Variants in EFHB observed in about 807,000 individuals in gnomAD.
The protein encoded by EFHB is EF-hand domain family member B, also known as EF-hand domain-containing family member B.
Under a neutral mutation model 87.2 loss-of-function variants are expected in EFHB, and 91 were observed. The observed-to-expected ratio is 1.04, with a 90% CI of 0.88 to 1.24. The LOEUF (loss-of-function observed/expected upper bound fraction) is 1.24. EFHB is among the 50% of genes most tolerant of loss of function. The pLI, the probability that EFHB is intolerant of heterozygous loss-of-function variation, is 0.00. For missense variants in EFHB, 1,084 were observed against 998.8 expected, an observed-to-expected ratio of 1.09 and a Z score of -1.15; for synonymous variants, 325 against 333.6, an observed-to-expected ratio of 0.97 and a Z score of 0.28.
intron 6 of EFHB, among the ~76,000 whole-genome samples, chr3:19,904,696 T>C (rs540255253): frequency 6.6e-6 from 1 of 152,340 alleles, no homozygotes; most frequent in East Asian, 1.9e-4. Context: ...GCTCAGATAA[T>C]CCAGAATGAT....
Position 19,884,454 on chromosome 3 carries a change from T to C in EFHB, c.2095A>G (p.Lys699Glu). ...GCATTGATCTCAGAAGAAGTTGTCT[T>C]ATAGTAGTTGGAAACTTTATCACTT... is the stretch of plus-strand genomic sequence containing the variant. The part of the protein sequence containing the change: ...RPSDKVSNYY[K>E]TTSSEINAIV... Residue 699 changes from lysine (K) to glutamate (E), a missense_variant, in exon 11 of 13, where the codon AAG becomes GAG. Lys to Glu is a moderately conservative substitution (Grantham distance 56, BLOSUM62 1). Transcript: ENST00000295824. 13 of 1,613,942 alleles carry C rather than the reference T, an allele frequency of 8.1e-6. No homozygotes were observed. The highest frequency in any genetic ancestry group is 1.0e-5 in the Non-Finnish European group (12 of 1,179,888).
chr3:19,925,376 T>C (rs1441302827), intron 1 of EFHB, among the ~76,000 whole-genome samples: 2 of 152,138 alleles, frequency 1.3e-5, no homozygotes, highest in Non-Finnish European at 2.9e-5. Context: ...CATAGATATA[T>C]AGATATATCA....
chr3:19,885,346 G>C (rs76875853), intron 10 of EFHB, among the ~76,000 whole-genome samples: 20,323 of 152,134 alleles, frequency 0.13, 1,526 homozygotes, highest in South Asian at 0.22. Flanking sequence ...CTACTTGACT[G>C]GGGGGAGCAT....
At chr3:19,931,223 A>G (rs1695819954) in intron 1 of EFHB, among the ~76,000 whole-genome samples, 1 of 152,222 alleles carries the variant, frequency 6.6e-6, no homozygotes, top group Non-Finnish European at 1.5e-5. Context: ...CTGGGATTAC[A>G]GCTAGTGCCA....
At chr3:19,883,953 T>C (rs1367760563) in intron 11 of EFHB, among the ~76,000 whole-genome samples, 1 of 152,202 alleles carries the variant, frequency 6.6e-6, no homozygotes, top group Non-Finnish European at 1.5e-5. Context: ...AAAATTCTAT[T>C]AAGACACCAG....
rs778105687 is a variant in EFHB, at chr3:19,915,332, T to C, written c.1259A>G (p.Tyr420Cys). ...ATAATAATCATTGTGAGAAACAACA[T>C]ACAAATCATGTCCTTCATTTCCTTC... ...FKEGNEGHDLYVVSHNDYYAG... is the reference protein window; with the variant it reads ...FKEGNEGHDLCVVSHNDYYAG... Residue 420 changes from tyrosine to cysteine, a missense_variant, in exon 5 of 13, where the codon TAT becomes TGT. Transcript: ENST00000295824. 7 of 1,613,184 alleles carry C rather than the reference T, an allele frequency of 4.3e-6. No individual in the cohort carries two copies. Among genetic ancestry groups the C allele is most frequent in the Admixed American group, 1.7e-5 (1 of 59,932 alleles).
chr3:19,896,597 C>T lies in EFHB; in HGVS notation c.1725+90G>A, dbSNP rs771198871. On this transcript the variant is annotated intron_variant, in intron 9 of 12. Coordinates refer to ENST00000295824, the MANE Select transcript of EFHB (RefSeq NM_144715.4). ...CAAACAGTGGGCTGGATTTGGCCCA[C>T]AGGCTATAGTTTGCTGACCCCTGAT... 12 of 1,531,520 alleles carry T rather than the reference C, an allele frequency of 7.8e-6. No homozygotes were observed. The Admixed American group carries it at 1.6e-4, about 20-fold the overall frequency. The allele number at this position is 1,531,520 out of a possible 1,614,324, so 94.9% of individuals were successfully genotyped here. A position where few individuals can be genotyped will look rare whatever the true frequency, so the allele number is the denominator to read the frequency against.
At chr3:19,939,315 C>G (rs886477546) in intron 1 of EFHB, among the ~76,000 whole-genome samples, 8 of 148,894 alleles carry the variant, frequency 5.4e-5, no homozygotes, top group South Asian at 2.1e-4. Flanking sequence ...AGACTCAACC[C>G]AGGGATTACT....
intron 5 of EFHB, among the ~76,000 whole-genome samples, chr3:19,906,545 G>T (rs1353855079): frequency 6.6e-6 from 1 of 151,954 alleles, no homozygotes; most frequent in Non-Finnish European, 1.5e-5. Flanking sequence ...AATGATGAAA[G>T]AAATTGAAGA....
At chr3:19,888,713 CATT>C in intron 9 of EFHB, 62 bp from the exon 10 acceptor site, 1 of 1,328,798 alleles carries the variant, frequency 7.5e-7, no homozygotes, top group Non-Finnish European at 1.0e-6. Context: ...GAGTAGGCAA[CATT>C]ATTTAGTTTA....
intron 9 of EFHB, 59 bp downstream of exon 9, chr3:19,896,628 C>G: frequency 1.2e-6 from 2 of 1,611,226 alleles, no homozygotes; most frequent in Non-Finnish European, 1.7e-6. Flanking sequence ...CTGATCTACA[C>G]CAAACTGCTG....
chr3:19,925,514 A>G (rs1695590789), intron 1 of EFHB, among the ~76,000 whole-genome samples: 1 of 151,996 alleles, frequency 6.6e-6, no homozygotes, highest in Non-Finnish European at 1.5e-5. Flanking sequence ...CCCTGGCATT[A>G]TTGTCCTAAA....
chr3:19,899,782 G>A (rs1694609288), intron 6 of EFHB, among the ~76,000 whole-genome samples: 1 of 152,172 alleles, frequency 6.6e-6, no homozygotes, highest in Non-Finnish European at 1.5e-5. Context: ...TATTGTAAGT[G>A]TAGCTCCTGG....
At chr3:19,890,752 T>G (rs1032705806) in intron 9 of EFHB, among the ~76,000 whole-genome samples, 1 of 152,196 alleles carries the variant, frequency 6.6e-6, no homozygotes, top group Non-Finnish European at 1.5e-5. Context: ...CAACCTTCAC[T>G]TGGAGGTGCA....
intron 1 of EFHB, among the ~76,000 whole-genome samples, chr3:19,946,550 C>G (rs1696286350): frequency 6.6e-6 from 1 of 152,208 alleles, no homozygotes; most frequent in South Asian, 2.1e-4. Context: ...ACAGAAGCGA[C>G]TTCTTATTGT....
At chr3:19,900,052 G>A (rs187146318) in intron 6 of EFHB, among the ~76,000 whole-genome samples, 38 of 152,190 alleles carry the variant, frequency 2.5e-4, no homozygotes, top group Admixed American at 1.8e-3. Flanking sequence ...CAGCCTGGGT[G>A]ACAGAGTGAG....
rs756597326 is a variant in EFHB at position 19,879,668 on chromosome 3, C to T, written c.2465G>A (p.Arg822Gln). The part of the protein sequence containing the change: ...ENIRNVLDEL[R>Q]HADRIKCKTL... ...TTTACACTTGATCCGGTCTGCATGC[C>T]GTAGCTCATCTAGAACATTTCTGAT... The change falls in exon 13 of 13, where the codon CGG becomes CAG. Residue 822 changes from arginine (R) to glutamine (Q), a missense_variant. By Grantham distance (43) the Arg-to-Gln change is conservative (BLOSUM62 1). Coordinates refer to ENST00000295824, the MANE Select transcript of EFHB (RefSeq NM_144715.4). The T allele has an allele frequency of 3.7e-6, 6 of 1,604,344 alleles. No homozygotes were observed. Among genetic ancestry groups the T allele is most frequent in the East Asian group, 2.2e-5 (1 of 44,644 alleles).
intron 1 of EFHB, among the ~76,000 whole-genome samples, chr3:19,933,009 C>T (rs9862950): frequency 0.043 from 6,599 of 152,178 alleles, 452 homozygotes; most frequent in African/African-American, 0.15. Context: ...AACAAACCAC[C>T]GGTGTGCAGA....
At chr3:19,900,926 CAA>C (rs35992446) in intron 6 of EFHB, among the ~76,000 whole-genome samples, 7 of 135,084 alleles carry the variant, frequency 5.2e-5, no homozygotes, top group Admixed American at 1.5e-4. Context: ...GAGCCTGTCT[CAA>C]AAAAAAAAAA....
Sources: allele counts gnomAD v4.1 joint callset (sites outside exome capture counted in the v4.1 genomes callset), GRCh38; gene constraint gnomAD v4.1.1; transcripts MANE v1.5; gene names NCBI Gene and HGNC (gene_info 2026-07-23, HGNC 2026-07-21).